RIMS2: variants seen among roughly 807,000 people sequenced by gnomAD.
RIMS2 encodes the protein regulating synaptic membrane exocytosis protein 2.
In RIMS2, 59 loss-of-function variants were observed where a neutral mutation model predicts 174.4. The observed-to-expected ratio is 0.34, with a 90% CI of 0.27 to 0.42. The LOEUF (loss-of-function observed/expected upper bound fraction) is 0.42. RIMS2 is among the 10% of genes least tolerant of loss of function. The probability of loss-of-function intolerance (pLI) is 1.00; values close to 1 mark genes in which losing one functional copy is unlikely to be tolerated. For synonymous variants in RIMS2, 606 were observed against 572.5 expected (o/e 1.06, Z -0.84); for missense variants, 1,620 against 1,666.3 (o/e 0.97, Z 0.48).
At chr8:103,714,950 T>G (rs187019309) in intron 2 of RIMS2, among the ~76,000 whole-genome samples, 28 of 152,288 alleles carry the variant, frequency 1.8e-4, no homozygotes, top group African/African-American at 6.3e-4. Flanking sequence ...GTAATTATAT[T>G]ATTAAATTTT....
chr8:103,927,222 G>C (rs1484605317), intron 10 of RIMS2, among the ~76,000 whole-genome samples: 1 of 151,520 alleles, frequency 6.6e-6, no homozygotes, highest in East Asian at 1.9e-4. Context: ...TGATGATGGT[G>C]TTTCAATACT....
intron 19 of RIMS2, among the ~76,000 whole-genome samples, chr8:104,216,402 TAG>T (rs2099129967): frequency 6.6e-6 from 1 of 152,208 alleles, no homozygotes; most frequent in Admixed American, 6.5e-5. Flanking sequence ...TTGATCTCAG[TAG>T]AGTCTCTTCA....
At chr8:104,154,649 A>G (rs1249311301) in intron 19 of RIMS2, among the ~76,000 whole-genome samples, 2 of 152,170 alleles carry the variant, frequency 1.3e-5, no homozygotes, top group African/African-American at 4.8e-5. Context: ...TGTGGGAACA[A>G]TTGGGTAGGT....
chr8:103,922,420 C>A (rs1263994592), intron 10 of RIMS2, among the ~76,000 whole-genome samples: 1 of 151,864 alleles, frequency 6.6e-6, no homozygotes, highest in Non-Finnish European at 1.5e-5. Context: ...ATTAGAGAAA[C>A]TTTACAAATC....
intron 19 of RIMS2, among the ~76,000 whole-genome samples, chr8:104,153,088 G>A (rs539418596): frequency 6.6e-6 from 1 of 152,144 alleles, no homozygotes; most frequent in African/African-American, 2.4e-5. Context: ...TGGCAAAGGA[G>A]AAACCTTTTA....
At chr8:103,876,866 A>G (rs7840426) in intron 3 of RIMS2, among the ~76,000 whole-genome samples, 1 of 18,796 alleles carries the variant, frequency 5.3e-5, no homozygotes, top group Non-Finnish European at 9.1e-5. Flanking sequence ...ACACTATTTT[A>G]TATATATATA....
At chr8:104,223,795 T>G (rs753141278) in intron 19 of RIMS2, 2 of 1,594,210 alleles carry the variant, frequency 1.3e-6, no homozygotes, top group Non-Finnish European at 1.7e-6. Context: ...AAGAAGGAGG[T>G]GAGACACCCC....
chr8:103,739,845 G>A (rs1010598077), intron 2 of RIMS2, among the ~76,000 whole-genome samples: 1 of 152,084 alleles, frequency 6.6e-6, no homozygotes, highest in African/African-American at 2.4e-5. Context: ...GCAAAACATA[G>A]CACTTTAGTC....
intron 3 of RIMS2, among the ~76,000 whole-genome samples, chr8:103,781,055 A>T (rs552073963): frequency 4.3e-4 from 66 of 152,184 alleles, no homozygotes; most frequent in Middle Eastern, 3.4e-3. Flanking sequence ...CAGTGTTGGG[A>T]GGCTGGCCAG....
At chr8:103,954,724 C>T (rs1036356073) in intron 14 of RIMS2, among the ~76,000 whole-genome samples, 1 of 148,042 alleles carries the variant, frequency 6.8e-6, no homozygotes, top group Non-Finnish European at 1.5e-5. Context: ...AATCCAAAAG[C>T]TAGCAGAAGA....
At chr8:103,584,054 C>G (rs763232964) in intron 1 of RIMS2, among the ~76,000 whole-genome samples, 11 of 151,890 alleles carry the variant, frequency 7.2e-5, no homozygotes, top group Non-Finnish European at 1.6e-4. Flanking sequence ...AATAAACTCC[C>G]AAAGGTCAAG....
intron 3 of RIMS2, among the ~76,000 whole-genome samples, chr8:103,858,289 T>A (rs942197280): frequency 2.0e-5 from 3 of 152,092 alleles, no homozygotes; most frequent in Admixed American, 6.6e-5. Context: ...ACATTTAAAA[T>A]CCCAGTCATG....
At chr8:104,166,535 C>G (rs1315377957) in intron 19 of RIMS2, among the ~76,000 whole-genome samples, 1 of 151,998 alleles carries the variant, frequency 6.6e-6, no homozygotes, top group Non-Finnish European at 1.5e-5. Flanking sequence ...TCTAATTTGA[C>G]TAAAGTATTC....
chr8:104,088,773 G>A (rs2097580361), intron 19 of RIMS2, among the ~76,000 whole-genome samples: 1 of 151,842 alleles, frequency 6.6e-6, no homozygotes, highest in African/African-American at 2.4e-5. Context: ...AATGAGTACT[G>A]GAGAAAATGA....
At chr8:103,898,787 A>G (rs1330410645) in intron 4 of RIMS2, among the ~76,000 whole-genome samples, 1 of 151,272 alleles carries the variant, frequency 6.6e-6, no homozygotes, top group Non-Finnish European at 1.5e-5. Context: ...GGTTTGTTAC[A>G]TATGTATACA....
At chr8:103,738,655 G>A (rs2097718647) in intron 2 of RIMS2, among the ~76,000 whole-genome samples, 1 of 152,056 alleles carries the variant, frequency 6.6e-6, no homozygotes, top group Admixed American at 6.6e-5. Flanking sequence ...CTAATATCCA[G>A]AATCTACAAA....
chr8:103,613,656 C>G (rs1268631042), intron 1 of RIMS2, among the ~76,000 whole-genome samples: 2 of 152,156 alleles, frequency 1.3e-5, no homozygotes, highest in African/African-American at 4.8e-5. Flanking sequence ...TGGGAATGTC[C>G]TATAGTCAGT....
chr8:103,621,426 C>G (rs1257574437), intron 1 of RIMS2, among the ~76,000 whole-genome samples: 1 of 152,168 alleles, frequency 6.6e-6, no homozygotes, highest in Admixed American at 6.5e-5. Context: ...GAGGAAGTAA[C>G]TTGTGGAATG....
intron 3 of RIMS2, among the ~76,000 whole-genome samples, chr8:103,831,542 C>A (rs533843813): frequency 6.6e-6 from 1 of 152,070 alleles, no homozygotes; most frequent in African/African-American, 2.4e-5. Flanking sequence ...CAGAGGAGCT[C>A]CAGAGAATTT....
Sources: allele counts gnomAD v4.1 joint callset (sites outside exome capture counted in the v4.1 genomes callset), GRCh38; gene constraint gnomAD v4.1.1; transcripts MANE v1.5; gene names NCBI Gene and HGNC (gene_info 2026-07-23, HGNC 2026-07-21).